Variants in MEMO1 observed in about 807,000 individuals in gnomAD.
MEMO1 encodes mediator of cell motility 1, also known as protein MEMO1.
Under a neutral mutation model 45.2 loss-of-function variants are expected in MEMO1, and 6 were observed. That is an observed-to-expected ratio of 0.13 (90% CI 0.07 to 0.26). The LOEUF is 0.26. Ranked by LOEUF, MEMO1 falls within the 10% of genes least tolerant of loss-of-function variation. The probability of loss-of-function intolerance (pLI) is 1.00; values close to 1 mark genes in which losing one functional copy is unlikely to be tolerated. For synonymous variants in MEMO1, 78 were observed against 124.3 expected, an observed-to-expected ratio of 0.63 and a Z score of 2.48; for missense variants, 184 against 370.5, an observed-to-expected ratio of 0.50 and a Z score of 4.13.
At chr2:31,916,951 T>C (rs1558501136) in intron 6 of MEMO1, among the ~76,000 whole-genome samples, 1 of 152,068 alleles carries the variant, frequency 6.6e-6, no homozygotes, top group East Asian at 1.9e-4. Flanking sequence ...AAAAAAGAAA[T>C]AACCACACAA....
intron 3 of MEMO1, among the ~76,000 whole-genome samples, chr2:31,942,423 TAAA>T (rs976637767): frequency 1.3e-5 from 2 of 152,220 alleles, no homozygotes; most frequent in Non-Finnish European, 2.9e-5. Flanking sequence ...TTACCTGATG[TAAA>T]AAACACTTTT....
intron 5 of MEMO1, 61 bp downstream of exon 5, chr2:31,920,737 T>G: frequency 1.1e-6 from 1 of 941,680 alleles, no homozygotes; most frequent in Non-Finnish European, 1.5e-6. Flanking sequence ...TTAAATTAAT[T>G]TACAAGTCCT....
chr2:31,962,490 T>C (rs1373562267), intron 2 of MEMO1, among the ~76,000 whole-genome samples: 1 of 152,196 alleles, frequency 6.6e-6, no homozygotes, highest in Non-Finnish European at 1.5e-5. Context: ...TTTCATTCTA[T>C]GCTTCTCTCA....
At chr2:31,896,531 G>C (rs1037524193) in intron 6 of MEMO1, among the ~76,000 whole-genome samples, 1 of 152,224 alleles carries the variant, frequency 6.6e-6, no homozygotes, top group Non-Finnish European at 1.5e-5. Context: ...CTGTGGGCCA[G>C]ATGGGGTTCA....
chr2:31,885,893 G>A (rs530590362), intron 7 of MEMO1, among the ~76,000 whole-genome samples: 1 of 152,314 alleles, frequency 6.6e-6, no homozygotes, highest in South Asian at 2.1e-4. Flanking sequence ...CCAAATGGCT[G>A]AAGTTGGTCA....
intron 2 of MEMO1, among the ~76,000 whole-genome samples, chr2:31,970,247 G>A (rs1182461057): frequency 1.3e-5 from 2 of 152,126 alleles, no homozygotes; most frequent in Non-Finnish European, 2.9e-5. Flanking sequence ...TGAGATTACA[G>A]GAATGAGCCA....
At chr2:31,964,944 C>T (rs576713305) in intron 2 of MEMO1, among the ~76,000 whole-genome samples, 26 of 151,386 alleles carry the variant, frequency 1.7e-4, no homozygotes, top group Admixed American at 3.3e-4. Context: ...CTGGGTGCAG[C>T]GGCTCACCCC....
intron 8 of MEMO1, among the ~76,000 whole-genome samples, chr2:31,880,148 G>A (rs1472112434): frequency 6.6e-6 from 1 of 152,108 alleles, no homozygotes; most frequent in African/African-American, 2.4e-5. Context: ...CAGAGTACCG[G>A]ACATATAGCA....
intron 8 of MEMO1, among the ~76,000 whole-genome samples, chr2:31,875,304 C>A (rs1230435413): frequency 6.6e-6 from 1 of 152,062 alleles, no homozygotes; most frequent in African/African-American, 2.4e-5. Context: ...ACTTAGAAGT[C>A]AACCTGGGCT....
At chr2:31,889,224 T>C (rs757606569) in intron 7 of MEMO1, among the ~76,000 whole-genome samples, 1 of 152,022 alleles carries the variant, frequency 6.6e-6, no homozygotes, top group Non-Finnish European at 1.5e-5. Context: ...CCACTGTGTG[T>C]AGCTGAGTAA....
chr2:31,996,375 C>T (rs1672617530), intron 2 of MEMO1, among the ~76,000 whole-genome samples: 1 of 151,990 alleles, frequency 6.6e-6, no homozygotes, highest in South Asian at 2.1e-4. Context: ...TGGTGAAACC[C>T]CATCTCTACT....
At chr2:31,956,913 G>A (rs1337960287) in intron 2 of MEMO1, among the ~76,000 whole-genome samples, 1 of 152,170 alleles carries the variant, frequency 6.6e-6, no homozygotes, top group Non-Finnish European at 1.5e-5. Flanking sequence ...GGAGGCCGAG[G>A]CAGGCAGATC....
intron 6 of MEMO1, 87 bp from the exon 7 acceptor site, chr2:31,892,221 T>C: frequency 4.3e-6 from 5 of 1,168,154 alleles, no homozygotes; most frequent in African/African-American, 1.5e-5. Context: ...AAGTGGAATA[T>C]GTATTAATAG....
At chr2:31,919,832 A>G (rs1681998660) in intron 5 of MEMO1, among the ~76,000 whole-genome samples, 1 of 151,926 alleles carries the variant, frequency 6.6e-6, no homozygotes. Context: ...CTAAAAACAA[A>G]AATATATATA....
intron 2 of MEMO1, among the ~76,000 whole-genome samples, chr2:31,945,721 G>A (rs1666118022): frequency 6.6e-6 from 1 of 152,182 alleles, no homozygotes; most frequent in Non-Finnish European, 1.5e-5. Flanking sequence ...TGGGAGGACA[G>A]GGTGCCTAAC....
chr2:31,931,961 T>C (rs1664231681), intron 4 of MEMO1, 106 bp downstream of exon 4: 1 of 902,732 alleles, frequency 1.1e-6, no homozygotes, highest in East Asian at 2.5e-5. Context: ...AAATCCCTCA[T>C]GAAATTGAGT....
intron 4 of MEMO1, among the ~76,000 whole-genome samples, chr2:31,927,608 T>C (rs1034120153): frequency 2.1e-5 from 3 of 144,354 alleles, no homozygotes; most frequent in African/African-American, 7.7e-5. Context: ...ATTTAATAAC[T>C]AGTAAAACTG....
chr2:31,955,151 C>G (rs889547139), intron 2 of MEMO1, among the ~76,000 whole-genome samples: 2 of 151,670 alleles, frequency 1.3e-5, no homozygotes, highest in East Asian at 1.9e-4. Flanking sequence ...GCAGGAAGAT[C>G]GCTTGAGTCC....
intron 6 of MEMO1, among the ~76,000 whole-genome samples, chr2:31,904,739 T>C (rs1362032347): frequency 6.6e-6 from 1 of 152,032 alleles, no homozygotes; most frequent in Non-Finnish European, 1.5e-5. Flanking sequence ...AATCGCCAAA[T>C]GTGAGGGTGG....
Sources: gnomAD v4.1 joint callset for allele counts (sites outside exome capture counted in the v4.1 genomes callset) on GRCh38, gnomAD v4.1.1 for gene constraint, MANE v1.5 for transcripts, NCBI Gene and HGNC (gene_info 2026-07-23, HGNC 2026-07-21) for gene names.